Variants in LDHD observed in about 807,000 individuals in gnomAD.
LDHD encodes D-lactate dehydrogenase, mitochondrial.
In LDHD, 58 loss-of-function variants were observed where a neutral mutation model predicts 52.9. The ratio of observed to expected loss-of-function variants is 1.10; its 90% CI spans 0.89 to 1.36. The LOEUF is 1.36. Among genes scored for constraint, LDHD ranks in the 40% most tolerant of loss-of-function variants. The pLI, the probability that LDHD is intolerant of heterozygous loss-of-function variation, is 0.00. For missense variants in LDHD, 747 were observed against 668.0 expected (o/e 1.12, Z -1.30); for synonymous variants, 350 against 288.6 (o/e 1.21, Z -2.16).
Position 75,114,887 on chromosome 16 carries a change from C to G in LDHD, c.409G>C (p.Gly137Arg). ...GCGTTGAGGGCTTTGCGGGTGACAC[C>G]TGGCTCCACCACCACAGAGAAGTCC... ...QEDFSVVVEPGVTRKALNAHL... is the reference protein window; with the variant it reads ...QEDFSVVVEPRVTRKALNAHL... The change falls in exon 4 of 11, where the codon GGT becomes CGT. Residue 137 changes from glycine to arginine, a missense_variant. By Grantham distance (125) the Gly-to-Arg change is moderately radical. Transcript: ENST00000450168. The G allele has an allele frequency of 6.2e-7, 1 of 1,614,054 alleles. No individual in the cohort carries two copies.
At chr16:75,114,190 G>T in intron 5 of LDHD, 25 bp from the exon 6 acceptor site, 1 of 1,610,388 alleles carries the variant, frequency 6.2e-7, no homozygotes. Context: ...CACACAAGGT[G>T]AGTACCAGGC....
chr16:75,115,299 C>G lies in LDHD; in HGVS notation c.226G>C (p.Glu76Gln), dbSNP rs765156334. ...PDAVVWPQNV[E>Q]QVSRLAALCY... The stretch of plus-strand genomic sequence containing the variant: ...AGGGCTGCCAGCCGGCTGACCTGCT[C>G]CACGTTCTGGGGCCACACCACAGCA... Residue 76 changes from glutamate to glutamine, a missense_variant, in exon 3 of 11, where the codon GAG becomes CAG. Glu to Gln is a conservative substitution (Grantham distance 29, BLOSUM62 2). Transcript: ENST00000450168. The G allele has an allele frequency of 2.5e-6, 4 of 1,613,620 alleles. No individual in the cohort carries two copies. In the Admixed American group the frequency reaches 6.7e-5, roughly 27 times the overall value.
Position 75,115,286 on chromosome 16 carries a change from C to A in LDHD, c.239G>T (p.Arg80Leu). ...VWPQNVEQVS[R>L]LAALCYRQGV... ...TTGGCGATAGCACAGGGCTGCCAGC[C>A]GGCTGACCTGCTCCACGTTCTGGGG... The change falls in exon 3 of 11, where the codon CGG becomes CTG. Residue 80 changes from arginine to leucine, a missense_variant. By Grantham distance (102) the Arg-to-Leu change is moderately radical. Transcript: ENST00000450168. The A allele has an allele frequency of 6.2e-7, 1 of 1,613,594 alleles. No individual in the cohort carries two copies.
chr16:75,115,778 G>A, intron 1 of LDHD, 118 bp from the exon 2 acceptor site: 1 of 616,364 alleles, frequency 1.6e-6, no homozygotes, highest in Non-Finnish European at 2.8e-6. Flanking sequence ...CCCTGCGCCC[G>A]CCCCGCTGAC....
chr16:75,113,398 G>C, intron 8 of LDHD, 137 bp downstream of exon 8: 1 of 1,088,230 alleles, frequency 9.2e-7, no homozygotes, highest in Non-Finnish European at 1.3e-6. Context: ...TGCAGCCCTT[G>C]TTTCTAGCGC....
chr16:75,112,325 G>A lies in LDHD; in HGVS notation c.*31C>T. On this transcript the variant is annotated 3_prime_UTR_variant, in exon 11 of 11. Transcript: ENST00000450168. The stretch of plus-strand genomic sequence containing the variant: ...GTTCCAGAACCGGCTCCGTAGTCAG[G>A]GAACTTGTGGGCTAAGTGCTCAGAC... 1 of 1,576,512 alleles carries A rather than the reference G, an allele frequency of 6.3e-7. No individual in the cohort carries two copies. Among genetic ancestry groups the A allele is most frequent in the Non-Finnish European group, 8.6e-7 (1 of 1,156,130 alleles).
In LDHD at chr16:75,114,563, G is replaced by C; in HGVS notation, c.592C>G (p.Arg198Gly). 6.5e-7 allele frequency: 1 copy of C among 1,530,862 alleles called. No individual in the cohort carries two copies. Among genetic ancestry groups the C allele is most frequent in the Non-Finnish European group, 8.7e-7 (1 of 1,143,678 alleles). 94.8% of individuals were successfully genotyped at this position (1,530,862 alleles called of 1,614,324 possible). ...CCTCGGCCCGCCGTGTGCAGCAGCC[G>C]CCCGTCGGGCAGCACCACCTCCAGG... ...LNLEVVLPDG[R>G]LLHTAGRGRH... is the part of the protein sequence containing the mutation. Residue 198 changes from arginine (R) to glycine (G), a missense_variant, in exon 5 of 11, where the codon CGG becomes GGG. Physicochemically the swap from Arg to Gly is moderately radical, Grantham distance 125 (BLOSUM62 -2). Transcript: ENST00000450168.
In LDHD at chr16:75,114,825, A is replaced by AC. The variant is rs1252501083; in HGVS notation, c.469+1dup. On this transcript the variant is annotated splice_donor_variant, in intron 4 of 10. Transcript: ENST00000450168. LOFTEE classifies it high-confidence loss of function. ...GTCCCAGGAAAGGTTCGCGAGTCCTACCCACGGGAAACCAGAGGCCGCTGT... is the reference window on the plus strand; with the variant it reads ...GTCCCAGGAAAGGTTCGCGAGTCCTACCCCACGGGAAACCAGAGGCCGCTGT... 1 of 1,611,984 alleles carries AC rather than the reference A, an allele frequency of 6.2e-7. No homozygotes were observed. The highest frequency in any genetic ancestry group is 2.2e-5 in the East Asian group (1 of 44,868).
chr16:75,112,108 G>C lies in LDHD; in HGVS notation c.*248C>G. 2.1e-6 allele frequency: 1 copy of C among 485,066 alleles called. No individual in the cohort carries two copies. The highest frequency in any genetic ancestry group is 3.6e-6 in the Non-Finnish European group (1 of 274,560). The allele number at this position is 485,066 out of a possible 1,614,324, so 30.0% of individuals were successfully genotyped here. On this transcript the variant is annotated 3_prime_UTR_variant, in exon 11 of 11. Coordinates refer to ENST00000450168, the MANE Select transcript of LDHD (RefSeq NM_194436.3). The stretch of plus-strand genomic sequence containing the variant: ...GATGCGTAGGAGCAGAGAGGAAGCA[G>C]CTTTGCTGGGAACCACCCTGGGTCG...
intron 8 of LDHD, among the ~76,000 whole-genome samples, chr16:75,113,175 C>T (rs1306570879): frequency 6.6e-6 from 1 of 152,186 alleles, no homozygotes; most frequent in African/African-American, 2.4e-5. Context: ...TGAGCCTTTG[C>T]ATAGCTGCCT....
Position 75,115,688 on chromosome 16 carries a change from T to C in LDHD, c.73-28A>G, listed in dbSNP as rs199502807. 22 of 1,442,752 alleles carry C rather than the reference T, an allele frequency of 1.5e-5. No individual in the cohort carries two copies. In the East Asian group the frequency reaches 5.3e-4, roughly 35 times the overall value. The allele number at this position is 1,442,752 out of a possible 1,614,324, so 89.4% of individuals were successfully genotyped here. ...GCAGGGAAGAAACACACTGCCAGGG[T>C]CCCCCGAAAGACACATGGGGCCACA... On this transcript the variant is annotated intron_variant, in intron 1 of 10. Coordinates refer to ENST00000450168, the MANE Select transcript of LDHD (RefSeq NM_194436.3).
Position 75,111,983 on chromosome 16 carries a change from G to GA in LDHD, c.*372dup, listed in dbSNP as rs1330225539. On this transcript the variant is annotated 3_prime_UTR_variant, in exon 11 of 11. Coordinates refer to ENST00000450168, the MANE Select transcript of LDHD (RefSeq NM_194436.3). ...GAAAGGAGTGTTCCTGTCACCAGGT[G>GA]AAGGGGGAAGGGTCCTGGGACCCCG... 1.9e-5 allele frequency: 4 copies of GA among 206,700 alleles called. No homozygotes were observed. The Admixed American group carries it at 2.1e-4, about 11-fold the overall frequency. 12.8% of individuals were successfully genotyped at this position (206,700 alleles called of 1,614,324 possible).
rs370179276 is a variant in LDHD, at chr16:75,112,491, C to G, written c.1320G>C (p.Thr440=). The part of the protein sequence containing the change: ...RRALALHGTC[T]GEHGIGMGKR... ...TGCCCATTCCGATGCCATGCTCCCC[C>G]GTGCACGTTCCGTGGAGAGCCAGTG... Residue 440 remains threonine, a synonymous_variant, in exon 11 of 11, where the codon ACG becomes ACC. Transcript: ENST00000450168. 1 of 1,613,412 alleles carries G rather than the reference C, an allele frequency of 6.2e-7. No individual in the cohort carries two copies. The highest frequency in any genetic ancestry group is 8.5e-7 in the Non-Finnish European group (1 of 1,179,982).
chr16:75,112,498 G>T lies in LDHD; in HGVS notation c.1313C>A (p.Thr438Lys). The T allele has an allele frequency of 6.2e-7, 1 of 1,613,288 alleles. No homozygotes were observed. The highest frequency in any genetic ancestry group is 8.5e-7 in the Non-Finnish European group (1 of 1,179,884). The change falls in exon 11 of 11, where the codon ACG becomes AAG. Residue 438 changes from threonine to lysine, a missense_variant. Physicochemically the swap from Thr to Lys is moderately conservative, Grantham distance 78. Transcript: ENST00000450168. ...LGRRALALHG[T>K]CTGEHGIGMG... ...TCCGATGCCATGCTCCCCCGTGCAC[G>T]TTCCGTGGAGAGCCAGTGCCCGCCT...
intron 3 of LDHD, 48 bp from the exon 4 acceptor site, chr16:75,115,016 T>C (rs2036512845): frequency 6.3e-7 from 1 of 1,577,960 alleles, no homozygotes; most frequent in African/African-American, 1.3e-5. Context: ...GTCTCTGACC[T>C]GGCCACGTCC....
rs1366371196 is a variant in LDHD at position 75,116,637 on chromosome 16, C to G, written c.72+12G>C. ...CTCATCCCTCCAGAGGACTTCTCTT[C>G]TCTCCCGGTACCTTTGCCTTCTGGG... On this transcript the variant is annotated intron_variant, in intron 1 of 10. Transcript: ENST00000450168. The G allele has an allele frequency of 1.2e-6, 2 of 1,604,898 alleles. No homozygotes were observed. Among genetic ancestry groups the G allele is most frequent in the Non-Finnish European group, 1.7e-6 (2 of 1,175,634 alleles).
In LDHD at chr16:75,115,462, G is replaced by C. The variant is rs190960823; in HGVS notation, c.185+86C>G. 2.0e-4 allele frequency: 316 copies of C among 1,586,154 alleles called. 1 individual carries two copies. The African/African-American group carries it at 3.9e-3, about 20-fold the overall frequency. ...TGCCAGAGCACCCCAAAACAGATGA[G>C]TGAGGAGGAAGGCAACCCAGCACCC... On this transcript the variant is annotated intron_variant, in intron 2 of 10. Transcript: ENST00000450168.
At chr16:75,115,513 G>C (rs757039815) in intron 2 of LDHD, 35 bp downstream of exon 2, 2 of 1,600,216 alleles carry the variant, frequency 1.2e-6, no homozygotes, top group Admixed American at 1.7e-5. Context: ...GTTGAATCCA[G>C]AAGACAGGGG....
Position 75,112,165 on chromosome 16 carries a change from A to C in LDHD, c.*191T>G. 3.0e-6 allele frequency: 2 copies of C among 657,886 alleles called. No individual in the cohort carries two copies. Among genetic ancestry groups the C allele is most frequent in the East Asian group, 2.8e-5 (1 of 35,254 alleles). 40.8% of individuals were successfully genotyped at this position (657,886 alleles called of 1,614,324 possible). A position where few individuals can be genotyped will look rare whatever the true frequency, so the allele number is the denominator to read the frequency against. On this transcript the variant is annotated 3_prime_UTR_variant, in exon 11 of 11. Transcript: ENST00000450168. Reference sequence around the variant, plus strand: ...GAACCAAAGGCTCCTGGGGCCAGCCAGAGGGCCAGGGAGGTAACACGGTGC... The same window carrying C: ...GAACCAAAGGCTCCTGGGGCCAGCCCGAGGGCCAGGGAGGTAACACGGTGC...
Sources: allele counts gnomAD v4.1 joint callset (sites outside exome capture counted in the v4.1 genomes callset), GRCh38; gene constraint gnomAD v4.1.1; transcripts MANE v1.5; gene names NCBI Gene and HGNC (gene_info 2026-07-23, HGNC 2026-07-21).